The following CASZ1 variants were observed in gnomAD, a reference collection of about 807,000 sequenced individuals.
CASZ1 encodes zinc finger protein castor homolog 1.
In CASZ1, 28 loss-of-function variants were observed where a neutral mutation model predicts 135.2. The ratio of observed to expected loss-of-function variants is 0.21; its 90% CI spans 0.15 to 0.28. The LOEUF is 0.28. CASZ1 is among the 10% of genes least tolerant of loss of function. The pLI is 1.00. For missense variants in CASZ1, 2,161 were observed against 2,453.3 expected (o/e 0.88, Z 2.52); for synonymous variants, 1,068 against 1,073.4 (o/e 0.99, Z 0.10).
intron 1 of CASZ1, among the ~76,000 whole-genome samples, chr1:10,771,325 A>G (rs1396386996): frequency 6.6e-6 from 1 of 151,928 alleles, no homozygotes; most frequent in Admixed American, 6.6e-5. Flanking sequence ...TTTTATTATT[A>G]TTATTATTAT....
At position 10,637,413 on chromosome 1, in the gene CASZ1, G is replaced by GA. The variant is rs1381348298; in HGVS notation, c.*1528dup. On this transcript the variant is annotated 3_prime_UTR_variant, in exon 21 of 21. Coordinates refer to ENST00000377022, the MANE Select transcript of CASZ1 (RefSeq NM_001079843.3). The stretch of plus-strand genomic sequence containing the variant: ...TGGCTTTCTGGCTGTGGGCAGCTGA[G>GA]AGGACAAAAGAAAGGAAGAAAAAAG... 1 of 152,574 alleles carries GA rather than the reference G, an allele frequency of 6.6e-6. No homozygotes were observed. Among genetic ancestry groups the GA allele is most frequent in the Non-Finnish European group, 1.5e-5 (1 of 68,088 alleles). 9.5% of individuals were successfully genotyped at this position (152,574 alleles called of 1,614,324 possible). A position where few individuals can be genotyped will look rare whatever the true frequency, so the allele number is the denominator to read the frequency against.
At position 10,709,010 on chromosome 1, in the gene CASZ1, G is replaced by A. The variant is rs1322462589; in HGVS notation, c.-76-3466C>T. 2.7e-5 allele frequency among the ~76,000 whole-genome samples: 4 copies of A among 150,570 alleles called. No individual in the cohort carries two copies. Among genetic ancestry groups the A allele is most frequent in the Admixed American group, 6.6e-5 (1 of 15,144 alleles). On this transcript the variant is annotated intron_variant, in intron 2 of 20. Coordinates refer to ENST00000377022, the MANE Select transcript of CASZ1 (RefSeq NM_001079843.3). The surrounding 1 kb of genome is among the most constrained non-coding windows in gnomAD (Gnocchi z 5.1). ...GGGTGAGGGAGGGAGGGAGTGCCAC[G>A]AGAGATGGGACGGGGGAGAGTGACA...
In CASZ1 at chr1:10,777,201, G is replaced by A. The variant is rs906510474; in HGVS notation, c.-233-16344C>T. Among the ~76,000 whole-genome samples the A allele has an allele frequency of 6.6e-6, 1 of 152,136 alleles. No individual in the cohort carries two copies. Among genetic ancestry groups the A allele is most frequent in the African/African-American group, 2.4e-5 (1 of 41,416 alleles). On this transcript the variant is annotated intron_variant, in intron 1 of 20. Coordinates refer to ENST00000377022, the MANE Select transcript of CASZ1 (RefSeq NM_001079843.3). The surrounding 1 kb of genome is among the most constrained non-coding windows in gnomAD (Gnocchi z 4.4). ...ACAGGAAGGGTCATAATGATGGAAC[G>A]ATCACACAGGTGTCTCTGAGCCCAC... is the stretch of plus-strand genomic sequence containing the variant.
In CASZ1 at chr1:10,774,084, T is replaced by C. The variant is rs1304495344; in HGVS notation, c.-233-13227A>G. On this transcript the variant is annotated intron_variant, in intron 1 of 20. Coordinates refer to ENST00000377022, the MANE Select transcript of CASZ1 (RefSeq NM_001079843.3). The surrounding 1 kb of genome is among the most constrained non-coding windows in gnomAD (Gnocchi z 4.4). Reference sequence around the variant, plus strand: ...GGCAGGTGCCTGCACAGAGGCCAGGTGCTCCTGGGGTCCTCCACCGCCAGG... The same window carrying C: ...GGCAGGTGCCTGCACAGAGGCCAGGCGCTCCTGGGGTCCTCCACCGCCAGG... 6.6e-6 allele frequency among the ~76,000 whole-genome samples: 1 copy of C among 152,136 alleles called. No individual in the cohort carries two copies. Among genetic ancestry groups the C allele is most frequent in the African/African-American group, 2.4e-5 (1 of 41,418 alleles).
At position 10,638,623 on chromosome 1, in the gene CASZ1, C is replaced by T. The variant is rs1171838226; in HGVS notation, c.*319G>A. The T allele has an allele frequency of 6.5e-6, 1 of 153,128 alleles. No homozygotes were observed. Among genetic ancestry groups the T allele is most frequent in the African/African-American group, 2.4e-5 (1 of 41,458 alleles). The allele number at this position is 153,128 out of a possible 1,614,324, so 9.5% of individuals were successfully genotyped here. On this transcript the variant is annotated 3_prime_UTR_variant, in exon 21 of 21. Transcript: ENST00000377022. The surrounding 1 kb of genome is among the most constrained non-coding windows in gnomAD (Gnocchi z 5.9). Reference sequence around the variant, plus strand: ...GCAATGGTCGCGGGGCCGAATCGGCCGCGGGGAGGGGCGCCGGGGCAGCGG... The same window carrying T: ...GCAATGGTCGCGGGGCCGAATCGGCTGCGGGGAGGGGCGCCGGGGCAGCGG...
At chr1:10,738,620 C>A (rs562506393) in intron 2 of CASZ1, among the ~76,000 whole-genome samples, 1 of 152,270 alleles carries the variant, frequency 6.6e-6, no homozygotes, top group African/African-American at 2.4e-5. Flanking sequence ...AAACCAGCTT[C>A]AGAGAGGCAG....
At chr1:10,643,663 CACA>C (rs1431409724) in intron 18 of CASZ1, among the ~76,000 whole-genome samples, 3 of 152,230 alleles carry the variant, frequency 2.0e-5, no homozygotes, top group Non-Finnish European at 4.4e-5. Flanking sequence ...CACCTGTCCC[CACA>C]TCTCTGCTGG....
chr1:10,766,512 C>G (rs1640480836), intron 1 of CASZ1, among the ~76,000 whole-genome samples: 1 of 152,216 alleles, frequency 6.6e-6, no homozygotes, highest in Non-Finnish European at 1.5e-5. Flanking sequence ...CCAGACAGGG[C>G]TCAGATGTCA....
At chr1:10,710,425 C>T (rs1639263609) in intron 2 of CASZ1, among the ~76,000 whole-genome samples, 1 of 152,232 alleles carries the variant, frequency 6.6e-6, no homozygotes, top group African/African-American at 2.4e-5. Context: ...CCCAGTGGCC[C>T]TGCCCGATCT....
At position 10,651,426 on chromosome 1, in the gene CASZ1, T is replaced by A. The variant is rs540680629; in HGVS notation, c.2681-350A>T. On this transcript the variant is annotated intron_variant, in intron 11 of 20. Coordinates refer to ENST00000377022, the MANE Select transcript of CASZ1 (RefSeq NM_001079843.3). ...GCTTAGGCTTTTATTAAAGACTCTG[T>A]TAATGCTGAGGGAAAGTGGCAGATC... 2.1e-4 allele frequency: 38 copies of A among 179,910 alleles called. 1 individual carries two copies. The Middle Eastern group carries it at 6.6e-3, about 31-fold the overall frequency. 11.1% of individuals were successfully genotyped at this position (179,910 alleles called of 1,614,324 possible).
Position 10,772,321 on chromosome 1 carries a change from G to A in CASZ1, c.-233-11464C>T, listed in dbSNP as rs972536221. On this transcript the variant is annotated intron_variant, in intron 1 of 20. Transcript: ENST00000377022. ...ACCCCCAGAGGGCTAGACCCAGGCC[G>A]CCACCATTGGCCACATGCCCCCATT... Among the ~76,000 whole-genome samples the A allele has an allele frequency of 8.5e-5, 13 of 152,276 alleles. No individual in the cohort carries two copies. The South Asian group carries it at 1.9e-3, about 22-fold the overall frequency.
Position 10,717,310 on chromosome 1 carries a change from G to T in CASZ1, c.-76-11766C>A, listed in dbSNP as rs930914510. Reference sequence around the variant, plus strand: ...CCCCAGTTCCCCAAACTTCCCACTTGGCTTCTCTGCCTTTCTGTCCGATGC... The same window carrying T: ...CCCCAGTTCCCCAAACTTCCCACTTTGCTTCTCTGCCTTTCTGTCCGATGC... On this transcript the variant is annotated intron_variant, in intron 2 of 20. Coordinates refer to ENST00000377022, the MANE Select transcript of CASZ1 (RefSeq NM_001079843.3). The surrounding 1 kb of genome is among the most constrained non-coding windows in gnomAD (Gnocchi z 4.6). 6.6e-6 allele frequency among the ~76,000 whole-genome samples: 1 copy of T among 152,090 alleles called. No homozygotes were observed. Among genetic ancestry groups the T allele is most frequent in the African/African-American group, 2.4e-5 (1 of 41,392 alleles).
In CASZ1 at chr1:10,700,111, A is replaced by ACACACACACACACACACACCCACC. The variant is rs1212625170; in HGVS notation, c.-24+5380_-24+5381insGGTGGGTGTGTGTGTGTGTGTGTG. ...CACACACACACACACACACACACACACACACAGAGTATGAAGCAGGGACCT... is the reference window on the plus strand; with the variant it reads ...CACACACACACACACACACACACACACACACACACACACACACACCCACCCACACAGAGTATGAAGCAGGGACCT... On this transcript the variant is annotated intron_variant, in intron 3 of 20. Coordinates refer to ENST00000377022, the MANE Select transcript of CASZ1 (RefSeq NM_001079843.3). The surrounding 1 kb of genome is among the most constrained non-coding windows in gnomAD (Gnocchi z 4.2). Among the ~76,000 whole-genome samples, 107 of 152,016 alleles carry ACACACACACACACACACACCCACC rather than the reference A, an allele frequency of 7.0e-4. 1 individual carries two copies. In the East Asian group the frequency reaches 0.019, roughly 26 times the overall value.
chr1:10,787,507 G>A (rs559732583), intron 1 of CASZ1, among the ~76,000 whole-genome samples: 11 of 152,304 alleles, frequency 7.2e-5, no homozygotes, highest in East Asian at 5.8e-4. Flanking sequence ...TGAGCTCCCC[G>A]GGGGCGAGGG....
intron 4 of CASZ1, among the ~76,000 whole-genome samples, chr1:10,681,923 A>G (rs897700717): frequency 1.3e-5 from 2 of 152,228 alleles, no homozygotes; most frequent in African/African-American, 4.8e-5. Context: ...TACCCAGAGA[A>G]CAAAAGAGGC....
At position 10,665,613 on chromosome 1, in the gene CASZ1, G is replaced by T. The variant is rs573189691; in HGVS notation, c.17-42C>A. The T allele has an allele frequency of 8.0e-6, 12 of 1,493,184 alleles. No individual in the cohort carries two copies. In the African/African-American group the frequency reaches 1.7e-4, roughly 21 times the overall value. The allele number at this position is 1,493,184 out of a possible 1,614,324, so 92.5% of individuals were successfully genotyped here. A position where few individuals can be genotyped will look rare whatever the true frequency, so the allele number is the denominator to read the frequency against. On this transcript the variant is annotated intron_variant, in intron 4 of 20. Transcript: ENST00000377022. ...GAGCACGGAGGTCAGAGGCGTGCAA[G>T]GCCAAGAACAACCCACCCTCCCGAA...
chr1:10,773,362 C>G (rs1239127824), intron 1 of CASZ1, among the ~76,000 whole-genome samples: 1 of 131,234 alleles, frequency 7.6e-6, no homozygotes, highest in South Asian at 2.8e-4. Context: ...TAGAGACAGA[C>G]GTGGGCAGAG....
chr1:10,659,961 C>T lies in CASZ1; in HGVS notation c.1081G>A (p.Gly361Arg), dbSNP rs1264965813. Residue 361 changes from glycine to arginine, a missense_variant, in exon 6 of 21, where the codon GGG becomes AGG. This residue lies in a region of CASZ1 where 590 missense variants were observed against 609.8 expected (regional missense o/e 0.97). Transcript: ENST00000377022. ...KPGEGSPDMG[G>R]AIAFKTGKVG... is the part of the protein sequence containing the mutation. ...TTGCCTGTCTTGAAGGCGATGGCCC[C>T]GCCCATGTCGGGGCTGCCCTCCCCG... 6.8e-6 allele frequency: 11 copies of T among 1,613,048 alleles called. No homozygotes were observed. Among genetic ancestry groups the T allele is most frequent in the African/African-American group, 1.3e-5 (1 of 74,900 alleles).
chr1:10,786,937 G>A (rs1640870285), intron 1 of CASZ1, among the ~76,000 whole-genome samples: 1 of 152,064 alleles, frequency 6.6e-6, no homozygotes, highest in South Asian at 2.1e-4. Context: ...CAGGCTCACG[G>A]CTTTCTGGAA....
Sources: gnomAD v4.1 joint callset for allele counts (sites outside exome capture counted in the v4.1 genomes callset) on GRCh38, gnomAD v4.1.1 for gene constraint, gnomAD v4.1.1 regional missense constraint, Gnocchi (gnomAD v3.1) non-coding constraint, MANE v1.5 for transcripts, NCBI Gene and HGNC (gene_info 2026-07-23, HGNC 2026-07-21) for gene names.